Variants in XPR1 observed in about 807,000 individuals in gnomAD.
XPR1 encodes the protein solute carrier family 53 member 1.
In XPR1, 28 loss-of-function variants were observed where a neutral mutation model predicts 87.5. The observed-to-expected ratio is 0.32, with a 90% CI of 0.24 to 0.44. The LOEUF is 0.44. Ranked by LOEUF, XPR1 falls within the 20% of genes least tolerant of loss-of-function variation. XPR1 has a pLI of 1.00. For missense variants in XPR1, 559 were observed against 862.3 expected (o/e 0.65, Z 4.41); for synonymous variants, 300 against 306.1 (o/e 0.98, Z 0.21).
At chr1:180,721,717 C>A (rs1038310465) in intron 2 of XPR1, among the ~76,000 whole-genome samples, 1 of 152,220 alleles carries the variant, frequency 6.6e-6, no homozygotes, top group African/African-American at 2.4e-5. Context: ...TCCCATTTTA[C>A]TCTTCCTCCT....
At chr1:180,846,951 T>G (rs1651706068) in intron 11 of XPR1, among the ~76,000 whole-genome samples, 1 of 152,190 alleles carries the variant, frequency 6.6e-6, no homozygotes, top group African/African-American at 2.4e-5. Context: ...TTCTACTTGT[T>G]CCTCTCCTGT....
At chr1:180,740,927 C>T (rs1363771238) in intron 2 of XPR1, among the ~76,000 whole-genome samples, 2 of 152,190 alleles carry the variant, frequency 1.3e-5, no homozygotes, top group African/African-American at 4.8e-5. Context: ...AGCTTCCTGT[C>T]TCTTTTATAA....
At chr1:180,640,611 T>G (rs1387584341) in intron 1 of XPR1, among the ~76,000 whole-genome samples, 1 of 152,252 alleles carries the variant, frequency 6.6e-6, no homozygotes, top group African/African-American at 2.4e-5. Context: ...GGGTCTATTT[T>G]TAGTCCCAGG....
chr1:180,647,902 CAAAAAAA>C lies in XPR1; in HGVS notation c.69+15649_69+15655del, dbSNP rs1009441967. The stretch of plus-strand genomic sequence containing the variant: ...GGTGACAGAGTGAGACTCTTATCTG[CAAAAAAA>C]AAAAAAAAAAAAAAAAGGAATATGG... On this transcript the variant is annotated intron_variant, in intron 1 of 14. Transcript: ENST00000367590. Among the ~76,000 whole-genome samples the C allele has an allele frequency of 4.6e-4, 26 of 55,934 alleles. No homozygotes were observed. The South Asian group carries it at 6.0e-3, about 13-fold the overall frequency. 36.7% of individuals were successfully genotyped at this position (55,934 alleles called of 152,430 possible).
intron 2 of XPR1, among the ~76,000 whole-genome samples, chr1:180,755,484 CTACTTCAGT>C: frequency 6.6e-6 from 1 of 152,276 alleles, no homozygotes; most frequent in South Asian, 2.1e-4. Context: ...CATCTACCAG[CTACTTCAGT>C]TACTGCTTGT....
chr1:180,730,771 T>G (rs1220796099), intron 2 of XPR1, among the ~76,000 whole-genome samples: 3 of 151,808 alleles, frequency 2.0e-5, no homozygotes, highest in Admixed American at 6.6e-5. Flanking sequence ...CAAGTGATCC[T>G]CCCCCCTCAG....
chr1:180,812,870 G>A (rs1327646864), intron 7 of XPR1, among the ~76,000 whole-genome samples: 1 of 151,868 alleles, frequency 6.6e-6, no homozygotes, highest in Non-Finnish European at 1.5e-5. Flanking sequence ...GACTGGTCTT[G>A]AACTCCTGAC....
At chr1:180,787,198 A>G (rs1177190162) in intron 2 of XPR1, among the ~76,000 whole-genome samples, 3 of 151,882 alleles carry the variant, frequency 2.0e-5, no homozygotes, top group Non-Finnish European at 2.9e-5. Context: ...GTTTTCTCCA[A>G]CATTGTAAAT....
At chr1:180,816,939 T>C (rs913148152) in intron 7 of XPR1, among the ~76,000 whole-genome samples, 5 of 152,268 alleles carry the variant, frequency 3.3e-5, no homozygotes, top group African/African-American at 1.2e-4. Flanking sequence ...ATTAATAGAA[T>C]AGGAGATGAC....
chr1:180,677,223 C>T (rs1484683705), intron 1 of XPR1, among the ~76,000 whole-genome samples: 1 of 152,216 alleles, frequency 6.6e-6, no homozygotes, highest in Non-Finnish European at 1.5e-5. Context: ...TCTCCTTGCT[C>T]ACTGCCTAGA....
chr1:180,665,726 C>A (rs932027505), intron 1 of XPR1, among the ~76,000 whole-genome samples: 1 of 152,196 alleles, frequency 6.6e-6, no homozygotes, highest in Non-Finnish European at 1.5e-5. Flanking sequence ...GCTGGCCACA[C>A]TGCTGGGGTT....
At chr1:180,813,269 A>C (rs1196333806) in intron 7 of XPR1, among the ~76,000 whole-genome samples, 1 of 152,118 alleles carries the variant, frequency 6.6e-6, no homozygotes, top group African/African-American at 2.4e-5. Flanking sequence ...GCTCATTCTA[A>C]TCTAAGAGCC....
At chr1:180,807,785 A>G (rs961580166) in intron 6 of XPR1, among the ~76,000 whole-genome samples, 10 of 152,196 alleles carry the variant, frequency 6.6e-5, no homozygotes, top group Non-Finnish European at 7.4e-5. Context: ...CAGGTGGATC[A>G]CTTGAGGCCA....
intron 2 of XPR1, among the ~76,000 whole-genome samples, chr1:180,771,059 G>A (rs185241932): frequency 9.9e-4 from 150 of 152,030 alleles, no homozygotes; most frequent in Non-Finnish European, 1.3e-3. Flanking sequence ...ACTTCTTTAC[G>A]TCTGTTTTCT....
At chr1:180,729,170 C>G (rs1658466806) in intron 2 of XPR1, among the ~76,000 whole-genome samples, 1 of 152,178 alleles carries the variant, frequency 6.6e-6, no homozygotes, top group Admixed American at 6.5e-5. Flanking sequence ...AGGACATGAT[C>G]TCATTACTTT....
chr1:180,639,712 T>G (rs1220514512), intron 1 of XPR1, among the ~76,000 whole-genome samples: 1 of 152,214 alleles, frequency 6.6e-6, no homozygotes, highest in Non-Finnish European at 1.5e-5. Flanking sequence ...CTCTCAAACT[T>G]TTTGGTTTCA....
intron 12 of XPR1, among the ~76,000 whole-genome samples, chr1:180,865,037 G>A (rs964364005): frequency 6.6e-6 from 1 of 152,118 alleles, no homozygotes; most frequent in Admixed American, 6.6e-5. Context: ...AATTGTATTT[G>A]GAAAAGTGTA....
At chr1:180,832,156 G>A (rs182118446) in intron 9 of XPR1, among the ~76,000 whole-genome samples, 1 of 152,288 alleles carries the variant, frequency 6.6e-6, no homozygotes, top group Admixed American at 6.5e-5. Context: ...GTAATGATGA[G>A]CATTCTTTCA....
At chr1:180,717,255 A>C (rs968502551) in intron 2 of XPR1, among the ~76,000 whole-genome samples, 1 of 152,178 alleles carries the variant, frequency 6.6e-6, no homozygotes, top group African/African-American at 2.4e-5. Context: ...GGCCTCCCAA[A>C]GTGCTGGGAT....
Sources: allele counts gnomAD v4.1 joint callset (sites outside exome capture counted in the v4.1 genomes callset), GRCh38; gene constraint gnomAD v4.1.1; transcripts MANE v1.5; gene names NCBI Gene and HGNC (gene_info 2026-07-23, HGNC 2026-07-21).